Variants in SRCAP observed in about 807,000 individuals in gnomAD.
SRCAP encodes the protein chromatin remodeling protein SRCAP.
SRCAP carries 46 observed loss-of-function variants against 263.1 expected under a neutral mutation model. The observed-to-expected ratio is 0.17, with a 90% CI of 0.14 to 0.22. The LOEUF is 0.22. Among genes scored for constraint, SRCAP ranks in the 10% least tolerant of loss-of-function variants. The probability of loss-of-function intolerance (pLI) is 1.00; values close to 1 mark genes in which losing one functional copy is unlikely to be tolerated. For synonymous variants in SRCAP, 1,813 were observed against 1,662.1 expected (o/e 1.09, Z -2.21); for missense variants, 3,695 against 4,181.9 (o/e 0.88, Z 3.21).
chr16:30,730,931 G>A (rs1269952245), intron 27 of SRCAP, among the ~76,000 whole-genome samples: 1 of 152,134 alleles, frequency 6.6e-6, no homozygotes, highest in Admixed American at 6.5e-5. Context: ...GCCTTCCAAA[G>A]TGCTGGGATT....
rs754759902 is a variant in SRCAP at position 30,707,271 on chromosome 16, G to A, written c.395G>A (p.Arg132His). The A allele has an allele frequency of 1.2e-6, 2 of 1,614,080 alleles. No individual in the cohort carries two copies. The highest frequency in any genetic ancestry group is 1.7e-5 in the Admixed American group (1 of 59,996). ...CTGCCTAAGGTGCCAGAGCCCCCTCGCCCCAAAGGTCACTGGGACTATTTG... is the reference window on the plus strand; with the variant it reads ...CTGCCTAAGGTGCCAGAGCCCCCTCACCCCAAAGGTCACTGGGACTATTTG... The part of the protein sequence containing the change: ...KRLPKVPEPP[R>H]PKGHWDYLCE... Residue 132 changes from arginine (R) to histidine (H), a missense_variant, in exon 5 of 34, where the codon CGC (arginine) becomes CAC (histidine). By Grantham distance (29) the Arg-to-His change is conservative. Coordinates refer to ENST00000262518, the MANE Select transcript of SRCAP (RefSeq NM_006662.3).
rs142064048 is a variant in SRCAP, at chr16:30,739,765, G to T, written c.*32G>T. On this transcript the variant is annotated 3_prime_UTR_variant, in exon 34 of 34. Transcript: ENST00000262518. ...TGCCCCTCCACCTAGGCTTTCCACC[G>T]TGGCCACTCCCTCCATGACCAGGCC... The T allele has an allele frequency of 5.2e-5, 75 of 1,451,460 alleles. No individual in the cohort carries two copies. The highest frequency in any genetic ancestry group is 6.3e-5 in the Non-Finnish European group (69 of 1,100,286). The allele number at this position is 1,451,460 out of a possible 1,614,324, so 89.9% of individuals were successfully genotyped here.
intron 20 of SRCAP, 52 bp downstream of exon 20, chr16:30,721,030 C>A: frequency 6.4e-7 from 1 of 1,557,674 alleles, no homozygotes. Flanking sequence ...AAAGGTTGTT[C>A]AGACTGAGGA....
Position 30,722,594 on chromosome 16 carries a change from G to T in SRCAP, c.3738G>T (p.Gly1246=), listed in dbSNP as rs748270570. The T allele has an allele frequency of 7.4e-6, 12 of 1,614,052 alleles. No homozygotes were observed. The highest frequency in any genetic ancestry group is 1.0e-5 in the Non-Finnish European group (12 of 1,180,014). Residue 1246 remains glycine (G), a synonymous_variant, in exon 23 of 34, where the codon GGG becomes GGT. Coordinates refer to ENST00000262518, the MANE Select transcript of SRCAP (RefSeq NM_006662.3). ...TGGTGCACCTCGTGTCAGCAGGGGG[G>T]CAGCACCATCTCATCAGCCAGCCTG... is the stretch of plus-strand genomic sequence containing the variant. The part of the protein sequence containing the change: ...RNVVHLVSAG[G]QHHLISQPAH...
In SRCAP at chr16:30,738,579, G is replaced by C; in HGVS notation, c.8539G>C (p.Ala2847Pro). 3.1e-6 allele frequency: 5 copies of C among 1,607,740 alleles called. No homozygotes were observed. The highest frequency in any genetic ancestry group is 4.2e-6 in the Non-Finnish European group (5 of 1,176,812). The change falls in exon 34 of 34, where the codon GCA becomes CCA. Residue 2847 changes from alanine (A) to proline (P), a missense_variant. Physicochemically the swap from Ala to Pro is conservative, Grantham distance 27. Around this residue, in one of 12 missense-constraint regions of SRCAP, gnomAD observed 1,207 missense variants for 1,142.9 expected, o/e 1.06. Coordinates refer to ENST00000262518, the MANE Select transcript of SRCAP (RefSeq NM_006662.3). ...TGGCAGCCCCGAGAATGGAGACGGA[G>C]CACTGCTCGCCATCACCCCACCTGC... ...GGGSPENGDG[A>P]LLAITPPAVK... is the part of the protein sequence containing the mutation.
chr16:30,737,871 T>C lies in SRCAP; in HGVS notation c.7831T>C (p.Leu2611=), dbSNP rs1596668407. The C allele has an allele frequency of 1.1e-5, 17 of 1,614,166 alleles. No individual in the cohort carries two copies. Among genetic ancestry groups the C allele is most frequent in the Non-Finnish European group, 1.4e-5 (16 of 1,180,028 alleles). Residue 2611 remains leucine (L), a synonymous_variant, in exon 34 of 34, where the codon TTG becomes CTG. Coordinates refer to ENST00000262518, the MANE Select transcript of SRCAP (RefSeq NM_006662.3). The part of the protein sequence containing the change: ...SLTPSAPSLT[L]EAGSIPNGQE... ...CACCCCTTCTGCACCCAGCCTGACC[T>C]TGGAGGCTGGCAGCATCCCCAATGG...
At position 30,738,721 on chromosome 16, in the gene SRCAP, C is replaced by G. The variant is rs1203480053; in HGVS notation, c.8681C>G (p.Pro2894Arg). The G allele has an allele frequency of 6.2e-7, 1 of 1,614,120 alleles. No individual in the cohort carries two copies. Among genetic ancestry groups the G allele is most frequent in the East Asian group, 2.2e-5 (1 of 44,876 alleles). Residue 2894 changes from proline (P) to arginine (R), a missense_variant, in exon 34 of 34, where the codon CCA becomes CGA. Transcript: ENST00000262518. ...AAGGGAAAAACCAATGGGGCTGACCCAGTCCCTGGGCCTGAGACCCTAATT... is the reference window on the plus strand; with the variant it reads ...AAGGGAAAAACCAATGGGGCTGACCGAGTCCCTGGGCCTGAGACCCTAATT... Reference protein sequence around the residue: ...TLKGKTNGADPVPGPETLIVA... With the variant: ...TLKGKTNGADRVPGPETLIVA...
intron 6 of SRCAP, among the ~76,000 whole-genome samples, chr16:30,708,741 C>T (rs2052854812): frequency 6.6e-6 from 1 of 152,186 alleles, no homozygotes; most frequent in Non-Finnish European, 1.5e-5. Flanking sequence ...ACATACCAAG[C>T]TGATCTTGAA....
At chr16:30,716,020 G>C (rs780767154) in intron 16 of SRCAP, 46 bp from the exon 17 acceptor site, 3 of 1,611,502 alleles carry the variant, frequency 1.9e-6, no homozygotes, top group Non-Finnish European at 1.7e-6. Context: ...GCTGGGGCTC[G>C]GTGCCTGAGT....
chr16:30,729,687 G>C (rs1325785116), intron 27 of SRCAP, 115 bp downstream of exon 27: 1 of 1,312,780 alleles, frequency 7.6e-7, no homozygotes, highest in Non-Finnish European at 1.1e-6. Context: ...TAAAGCTTTA[G>C]ATGGTTTTTT....
At chr16:30,729,280 TG>T in intron 26 of SRCAP, 49 bp downstream of exon 26, 2 of 1,596,276 alleles carry the variant, frequency 1.3e-6, no homozygotes, top group Non-Finnish European at 1.7e-6. Context: ...GGCCTCAGAG[TG>T]GATGTAGTGC....
rs1349155990 is a variant in SRCAP, at chr16:30,724,749, A to T, written c.5325A>T (p.Ser1775=). 1.2e-6 allele frequency: 2 copies of T among 1,613,682 alleles called. No individual in the cohort carries two copies. Among genetic ancestry groups the T allele is most frequent in the Admixed American group, 3.3e-5 (2 of 59,960 alleles). Residue 1775 remains serine (S), a synonymous_variant, in exon 25 of 34, where the codon TCA becomes TCT. Transcript: ENST00000262518. ...CGCTGACTTTGGCTCCAGCATCGTC[A>T]TCTGCTTCACTCCTGGCCCCAGCTT... The part of the protein sequence containing the change: ...AHTLTLAPAS[S]SASLLAPASV...
At chr16:30,712,657 C>T in intron 13 of SRCAP, 22 bp from the exon 14 acceptor site, 2 of 1,613,810 alleles carry the variant, frequency 1.2e-6, no homozygotes, top group Non-Finnish European at 1.7e-6. Context: ...TCCTTACCAT[C>T]TCTGATTTTT....
intron 16 of SRCAP, among the ~76,000 whole-genome samples, chr16:30,715,746 T>C (rs1307281380): frequency 6.6e-6 from 1 of 152,250 alleles, no homozygotes; most frequent in East Asian, 1.9e-4. Flanking sequence ...ACAGTTTTTA[T>C]TCTCCTCATC....
rs774745249 is a variant in SRCAP at position 30,710,861 on chromosome 16, G to A, written c.1228+14G>A. On this transcript the variant is annotated intron_variant, in intron 9 of 33. Transcript: ENST00000262518. The stretch of plus-strand genomic sequence containing the variant: ...ACGAAGAGGAAGGTCAGGGCTGTTC[G>A]GTTTGTCCTATTGCCCCTTACCCCT... 5.5e-5 allele frequency: 88 copies of A among 1,613,594 alleles called. No individual in the cohort carries two copies. The highest frequency in any genetic ancestry group is 6.6e-5 in the South Asian group (6 of 91,032).
intron 27 of SRCAP, among the ~76,000 whole-genome samples, chr16:30,732,198 T>G (rs1030584962): frequency 2.6e-5 from 4 of 151,796 alleles, no homozygotes; most frequent in Non-Finnish European, 5.9e-5. Context: ...ACGCCTGTAA[T>G]CCCAGCACTT....
In SRCAP at chr16:30,739,925, T is replaced by G; in HGVS notation, c.*192T>G. 1 of 879,272 alleles carries G rather than the reference T, an allele frequency of 1.1e-6. No individual in the cohort carries two copies. Among genetic ancestry groups the G allele is most frequent in the Non-Finnish European group, 1.6e-6 (1 of 628,062 alleles). 54.5% of individuals were successfully genotyped at this position (879,272 alleles called of 1,614,324 possible). A position where few individuals can be genotyped will look rare whatever the true frequency, so the allele number is the denominator to read the frequency against. Reference sequence around the variant, plus strand: ...GGAAATGGGGATCATCACAGTCCCCTTCCCCTTCACCCCACGTGGCTGGGC... The same window carrying G: ...GGAAATGGGGATCATCACAGTCCCCGTCCCCTTCACCCCACGTGGCTGGGC... On this transcript the variant is annotated 3_prime_UTR_variant, in exon 34 of 34. Coordinates refer to ENST00000262518, the MANE Select transcript of SRCAP (RefSeq NM_006662.3).
chr16:30,709,909 T>A lies in SRCAP; in HGVS notation c.915T>A (p.Val305=). ...AGGATGATGAGGAAACGATTGAAGT[T>A]GAAGAACAACAGGAAGGCAATGATG... is the stretch of plus-strand genomic sequence containing the variant. ...EEEDDEETIE[V]EEQQEGNDAE... Residue 305 remains valine, a synonymous_variant, in exon 8 of 34, where the codon GTT becomes GTA. Transcript: ENST00000262518. The A allele has an allele frequency of 6.2e-7, 1 of 1,614,082 alleles. No individual in the cohort carries two copies. The highest frequency in any genetic ancestry group is 8.5e-7 in the Non-Finnish European group (1 of 1,179,998).
chr16:30,727,298 C>A (rs1427541399), intron 25 of SRCAP, among the ~76,000 whole-genome samples: 2 of 152,214 alleles, frequency 1.3e-5, no homozygotes, highest in African/African-American at 4.8e-5. Context: ...CTGTTCAGAT[C>A]CTCTGCCCTT....
Sources: gnomAD v4.1 joint callset for allele counts (sites outside exome capture counted in the v4.1 genomes callset) on GRCh38, gnomAD v4.1.1 for gene constraint, gnomAD v4.1.1 regional missense constraint, MANE v1.5 for transcripts, NCBI Gene and HGNC (gene_info 2026-07-23, HGNC 2026-07-21) for gene names.